The following TRPM1 variants were observed in gnomAD, a reference collection of about 807,000 sequenced individuals.
The protein encoded by TRPM1 is transient receptor potential cation channel subfamily M member 1.
Under a neutral mutation model 149.4 loss-of-function variants are expected in TRPM1, and 113 were observed. The observed-to-expected ratio is 0.76, with a 90% CI of 0.65 to 0.88. The LOEUF (loss-of-function observed/expected upper bound fraction) is 0.88. TRPM1 is among the 40% of genes least tolerant of loss of function. The probability of loss-of-function intolerance (pLI) is 0.00; values close to 1 mark genes in which losing one functional copy is unlikely to be tolerated. For missense variants in TRPM1, 1,976 were observed against 2,038.7 expected, an observed-to-expected ratio of 0.97 and a Z score of 0.59; for synonymous variants, 741 against 759.5, an observed-to-expected ratio of 0.98 and a Z score of 0.40.
intron 1 of TRPM1, among the ~76,000 whole-genome samples, chr15:31,115,260 AAAT>A (rs1283013200): frequency 6.6e-6 from 1 of 152,190 alleles, no homozygotes; most frequent in East Asian, 1.9e-4. Flanking sequence ...TCTGTCTAAA[AAAT>A]AATAATAATA....
chr15:31,047,003 G>T, intron 15 of TRPM1, 108 bp downstream of exon 15: 1 of 1,469,588 alleles, frequency 6.8e-7, no homozygotes. Flanking sequence ...GCTGTGCTGG[G>T]GACAGGGCGA....
intron 1 of TRPM1, among the ~76,000 whole-genome samples, chr15:31,140,589 C>T (rs988651153): frequency 6.6e-6 from 1 of 152,108 alleles, no homozygotes; most frequent in African/African-American, 2.4e-5. Context: ...CCTTCTCCAT[C>T]CTTCTTGCTT....
intron 4 of TRPM1, chr15:31,069,422 G>T (rs2034470538): frequency 3.0e-6 from 3 of 1,001,078 alleles, no homozygotes; most frequent in Non-Finnish European, 2.4e-6. Context: ...TTTTAACAAT[G>T]ATGTTGGGCC....
chr15:31,115,966 G>C (rs968865131), intron 1 of TRPM1, among the ~76,000 whole-genome samples: 2 of 151,946 alleles, frequency 1.3e-5, no homozygotes, highest in Non-Finnish European at 2.9e-5. Context: ...TGGAAGGAGC[G>C]AGATAGCTCT....
rs1057419231 is a variant in TRPM1 at position 31,096,788 on chromosome 15, C to T, written c.-84+4869G>A. Among the ~76,000 whole-genome samples the T allele has an allele frequency of 7.9e-5, 12 of 152,230 alleles. 1 individual carries two copies. Among genetic ancestry groups the T allele is most frequent in the African/African-American group, 2.7e-4 (11 of 41,456 alleles). On this transcript the variant is annotated intron_variant, in intron 1 of 27. Transcript: ENST00000256552. ...TGCCCTCGAGCCTCCTCTGGCAGTG[C>T]TCCCATGGTCCAGGGAAGTCCCTCA...
Position 31,062,900 on chromosome 15 carries a change from A to G in TRPM1, c.966-198T>C. Reference sequence around the variant, plus strand: ...CTTTGTTGCAAACTTTCTAAGGGCAAATGAAGTTGGAAATGAGGGAGAGAG... The same window carrying G: ...CTTTGTTGCAAACTTTCTAAGGGCAGATGAAGTTGGAAATGAGGGAGAGAG... On this transcript the variant is annotated intron_variant, in intron 8 of 27. Coordinates refer to ENST00000256552, the MANE Select transcript of TRPM1 (RefSeq NM_001252024.2). The G allele has an allele frequency of 3.1e-6, 3 of 970,530 alleles. No individual in the cohort carries two copies. The Admixed American group carries it at 6.2e-5, about 20-fold the overall frequency. 60.1% of individuals were successfully genotyped at this position (970,530 alleles called of 1,614,324 possible). A position where few individuals can be genotyped will look rare whatever the true frequency, so the allele number is the denominator to read the frequency against.
At chr15:31,126,558 G>T (rs2035953983) in intron 1 of TRPM1, among the ~76,000 whole-genome samples, 1 of 152,202 alleles carries the variant, frequency 6.6e-6, no homozygotes, top group Admixed American at 6.5e-5. Context: ...GGAGGTGGTG[G>T]CCAGAAGCTG....
intron 5 of TRPM1, among the ~76,000 whole-genome samples, chr15:31,067,507 T>G (rs1194073877): frequency 1.3e-5 from 2 of 151,984 alleles, no homozygotes; most frequent in Non-Finnish European, 2.9e-5. Flanking sequence ...CAGTGAAAAT[T>G]GAGAGCCATA....
At chr15:31,037,684 T>C (rs2033454747) in intron 20 of TRPM1, 27 bp downstream of exon 20, 1 of 1,614,220 alleles carries the variant, frequency 6.2e-7, no homozygotes, top group East Asian at 2.2e-5. Flanking sequence ...ATATACTGAA[T>C]GTCAAATGTT....
chr15:31,047,336 C>T (rs2033805102), intron 14 of TRPM1, 85 bp from the exon 15 acceptor site: 4 of 1,504,786 alleles, frequency 2.7e-6, no homozygotes, highest in Non-Finnish European at 2.8e-6. Flanking sequence ...AAGTGGCTGT[C>T]CTGGCCCCCA....
chr15:31,122,019 G>A (rs539297107), intron 1 of TRPM1, among the ~76,000 whole-genome samples: 8 of 152,120 alleles, frequency 5.3e-5, no homozygotes, highest in Non-Finnish European at 1.5e-5. Context: ...AGATATGCAA[G>A]GCTGATTCAA....
At chr15:31,098,087 T>G (rs994086527) in intron 1 of TRPM1, among the ~76,000 whole-genome samples, 2 of 152,242 alleles carry the variant, frequency 1.3e-5, no homozygotes, top group Admixed American at 6.5e-5. Flanking sequence ...CTACACAGTT[T>G]GAAATTATGT....
At position 31,002,020 on chromosome 15, in the gene TRPM1, C is replaced by T; in HGVS notation, c.4680G>A (p.Lys1560=). The part of the protein sequence containing the change: ...RNGMENLLSV[K]PDQTLGFPSL... ...ATGGGAATCCCAAAGTTTGATCTGG[C>T]TTCACAGACAGTAAGTTTTCCATCC... is the stretch of plus-strand genomic sequence containing the variant. The change falls in exon 28 of 28, where the codon AAG becomes AAA. Residue 1560 remains lysine (K), a synonymous_variant. Transcript: ENST00000256552. 1.2e-6 allele frequency: 2 copies of T among 1,614,198 alleles called. No individual in the cohort carries two copies. The highest frequency in any genetic ancestry group is 2.2e-5 in the South Asian group (2 of 91,080).
At chr15:31,088,671 C>T (rs1038820573) in intron 1 of TRPM1, among the ~76,000 whole-genome samples, 1 of 152,206 alleles carries the variant, frequency 6.6e-6, no homozygotes, top group Non-Finnish European at 1.5e-5. Flanking sequence ...CTAGGATGGG[C>T]ATTTCATACT....
chr15:31,096,411 ATG>A (rs1433176943), intron 1 of TRPM1, among the ~76,000 whole-genome samples: 2 of 152,248 alleles, frequency 1.3e-5, no homozygotes, highest in African/African-American at 2.4e-5. Flanking sequence ...CTTCGGATCC[ATG>A]TGTGTCCCCA....
At chr15:31,069,640 A>G (rs1332878196) in intron 4 of TRPM1, 10 of 1,358,422 alleles carry the variant, frequency 7.4e-6, no homozygotes, top group Middle Eastern at 2.7e-4. Flanking sequence ...GAAGCTGTGG[A>G]CAGACCTCAG....
At position 31,147,854 on chromosome 15, in the gene TRPM1, C is replaced by T. The variant is rs539517941; in HGVS notation, c.54+13052G>A. ...AGCTGCTTTAAAGGGGGCCAGGGGT[C>T]CAGGTCCCCAGGGAGGTGGGCGGCT... On this transcript the variant is annotated intron_variant, in intron 1 of 26. Transcript: ENST00000542188. Among the ~76,000 whole-genome samples, 27 of 152,226 alleles carry T rather than the reference C, an allele frequency of 1.8e-4. No individual in the cohort carries two copies. In the East Asian group the frequency reaches 5.2e-3, roughly 29 times the overall value.
At chr15:31,145,069 ACTT>A (rs1389672430) in intron 1 of TRPM1, among the ~76,000 whole-genome samples, 3 of 152,208 alleles carry the variant, frequency 2.0e-5, no homozygotes, top group East Asian at 1.9e-4. Flanking sequence ...CTAGATTCTA[ACTT>A]CTTCTAATTT....
chr15:31,101,611 T>C lies in TRPM1; in HGVS notation c.-84+46A>G, dbSNP rs1174708563. ...GAGTTTACCCACACCTGAGGATACC[T>C]GCACCTGACCTCCCTTCACCTGTGC... On this transcript the variant is annotated intron_variant, in intron 1 of 27. Transcript: ENST00000256552. 6.1e-6 allele frequency: 6 copies of C among 977,956 alleles called. No individual in the cohort carries two copies. In the East Asian group the frequency reaches 5.7e-4, roughly 93 times the overall value. The allele number at this position is 977,956 out of a possible 1,614,324, so 60.6% of individuals were successfully genotyped here. A position where few individuals can be genotyped will look rare whatever the true frequency, so the allele number is the denominator to read the frequency against.
Sources: allele counts gnomAD v4.1 joint callset (sites outside exome capture counted in the v4.1 genomes callset), GRCh38; gene constraint gnomAD v4.1.1; transcripts MANE v1.5; gene names NCBI Gene and HGNC (gene_info 2026-07-23, HGNC 2026-07-21).